The following RBM19 variants were observed in gnomAD, a reference collection of about 807,000 sequenced individuals.
RBM19 encodes RNA binding motif protein 19.
In RBM19, 94 loss-of-function variants were observed where a neutral mutation model predicts 116.8. The ratio of observed to expected loss-of-function variants is 0.80; its 90% CI spans 0.68 to 0.95. The LOEUF (loss-of-function observed/expected upper bound fraction) is 0.95. Ranked by LOEUF, RBM19 falls within the 40% of genes least tolerant of loss-of-function variation. The pLI is 0.00. For missense variants in RBM19, 1,161 were observed against 1,220.7 expected (o/e 0.95, Z 0.73); for synonymous variants, 475 against 494.1 (o/e 0.96, Z 0.51).
At chr12:113,818,367 G>A (rs1023738656), downstream of RBM19, among the ~76,000 whole-genome samples, 3 of 152,216 alleles carry the variant, frequency 2.0e-5, no homozygotes, top group African/African-American at 7.2e-5. Context: ...GGAAGAGCCA[G>A]GTGCTGGTTT....
Position 113,927,144 on chromosome 12 carries a change from C to T in RBM19, c.2154G>A (p.Glu718=), listed in dbSNP as rs1275684039. The T allele has an allele frequency of 6.2e-7, 1 of 1,608,832 alleles. No individual in the cohort carries two copies. The highest frequency in any genetic ancestry group is 1.7e-5 in the Admixed American group (1 of 59,402). The change falls in exon 17 of 24, where the codon GAG becomes GAA. Residue 718 remains glutamate (E), a synonymous_variant. Transcript: ENST00000261741. ...GGCTCTCTTCTTCTTCTTCCTCTTC[C>T]TCCTCCTCCTCTTCCATCTTTGCTG... ...NSSAKMEEEE[E]EEEEEEESLP...
chr12:113,851,546 C>T (rs1195384196), intron 22 of RBM19, among the ~76,000 whole-genome samples: 3 of 152,154 alleles, frequency 2.0e-5, no homozygotes, highest in Admixed American at 6.5e-5. Flanking sequence ...CAGGCACAGG[C>T]CTGGGCCTGC....
Position 113,960,065 on chromosome 12 carries a change from A to C in RBM19, c.333T>G (p.Ile111Met), listed in dbSNP as rs747222015. ...QPPKDSTTPE[I>M]KKDEKKKKVA... ...AGAGTGACCCTTTACATACTTTCTT[A>C]ATTTCTGGAGTAGTAGAGTCTTTTG... Residue 111 changes from isoleucine (I) to methionine (M), a missense_variant, in exon 3 of 24, where the codon ATT (isoleucine) becomes ATG (methionine). Physicochemically the swap from Ile to Met is conservative, Grantham distance 10. Transcript: ENST00000261741. 6.2e-7 allele frequency: 1 copy of C among 1,614,036 alleles called. No individual in the cohort carries two copies. The highest frequency in any genetic ancestry group is 1.1e-5 in the South Asian group (1 of 91,084).
At chr12:113,940,359 G>A (rs941633031) in intron 14 of RBM19, among the ~76,000 whole-genome samples, 199 bp from the exon 15 acceptor site, 2 of 151,990 alleles carry the variant, frequency 1.3e-5, no homozygotes, top group Non-Finnish European at 2.9e-5. Context: ...GCTCTGCAGA[G>A]GGGGTAAGGC....
intron 21 of RBM19, among the ~76,000 whole-genome samples, chr12:113,869,562 C>A (rs1277926755): frequency 6.6e-6 from 1 of 152,182 alleles, no homozygotes; most frequent in Non-Finnish European, 1.5e-5. Flanking sequence ...TACAGCTAAT[C>A]CCATTACAAG....
chr12:113,903,988 C>T lies in RBM19; in HGVS notation c.2558+10981G>A, dbSNP rs1881878847. On this transcript the variant is annotated intron_variant, in intron 21 of 23. Coordinates refer to ENST00000261741, the MANE Select transcript of RBM19 (RefSeq NM_016196.4). The surrounding 1 kb of genome is among the most constrained non-coding windows in gnomAD (Gnocchi z 5.1). ...TGGTTAATGTGAACCCTGGAGTCCA[C>T]TAAGAACTCAAGATCTTTTTTTTGA... 6.6e-6 allele frequency among the ~76,000 whole-genome samples: 1 copy of T among 152,188 alleles called. No individual in the cohort carries two copies. Among genetic ancestry groups the T allele is most frequent in the East Asian group, 1.9e-4 (1 of 5,202 alleles).
chr12:113,940,164 C>CA lies in RBM19; in HGVS notation c.1738-5dup. 6.2e-7 allele frequency: 1 copy of CA among 1,611,332 alleles called. No individual in the cohort carries two copies. Among genetic ancestry groups the CA allele is most frequent in the Non-Finnish European group, 8.5e-7 (1 of 1,178,214 alleles). On this transcript the variant is annotated splice_polypyrimidine_tract_variant and splice_region_variant and intron_variant, in intron 14 of 23. Transcript: ENST00000261741. ...TCTTGCTTCGCTCTGCTGCAGCCTG[C>CA]AAAGAGGAAATGCACACACATGGGA...
intron 21 of RBM19, among the ~76,000 whole-genome samples, chr12:113,889,671 AAC>A (rs1491196836): frequency 0.43 from 53,848 of 124,348 alleles, 11,327 homozygotes; most frequent in African/African-American, 0.65. Flanking sequence ...ACAAACAAAC[AAC>A]AAAAAAAAAA....
At chr12:113,835,507 C>A (rs1028120452) in intron 23 of RBM19, among the ~76,000 whole-genome samples, 2 of 152,292 alleles carry the variant, frequency 1.3e-5, no homozygotes, top group East Asian at 3.9e-4. Context: ...AAAGCTGCAT[C>A]TTTGACACTC....
chr12:113,823,316 G>A lies in RBM19; in HGVS notation c.2791C>T (p.Pro931Ser), dbSNP rs1330579228. Residue 931 changes from proline to serine, a missense_variant, in exon 24 of 24, where the codon CCG becomes TCG. Physicochemically the swap from Pro to Ser is moderately conservative, Grantham distance 74. Transcript: ENST00000261741. The stretch of plus-strand genomic sequence containing the variant: ...AACACCACAGACCGCTTTTTCTTCG[G>A]GGGCTCTGTGGGAGCCCAGATGGCA... ...RKTAAHFHEP[P>S]KKKRSVVLDE... is the part of the protein sequence containing the mutation. The A allele has an allele frequency of 6.2e-7, 1 of 1,612,748 alleles. No individual in the cohort carries two copies. The highest frequency in any genetic ancestry group is 1.7e-5 in the Admixed American group (1 of 60,026).
downstream of RBM19, among the ~76,000 whole-genome samples, chr12:113,820,554 T>G (rs1183814476): frequency 1.3e-5 from 2 of 151,876 alleles, no homozygotes; most frequent in Non-Finnish European, 2.9e-5. Context: ...CCTAGAGGGT[T>G]TGAAGCTGCA....
At chr12:113,892,726 G>C (rs1881043752) in intron 21 of RBM19, among the ~76,000 whole-genome samples, 1 of 152,138 alleles carries the variant, frequency 6.6e-6, no homozygotes, top group South Asian at 2.1e-4. Context: ...AAAGTGAAAT[G>C]GGTCTTGAGT....
At chr12:113,829,066 C>T (rs750521148) in intron 23 of RBM19, among the ~76,000 whole-genome samples, 14 of 151,798 alleles carry the variant, frequency 9.2e-5, no homozygotes, top group African/African-American at 1.7e-4. Context: ...GGAGCGATCT[C>T]GGCTCACTGC....
At chr12:113,847,751 T>G (rs1240464455) in intron 22 of RBM19, among the ~76,000 whole-genome samples, 1 of 152,220 alleles carries the variant, frequency 6.6e-6, no homozygotes, top group African/African-American at 2.4e-5. Context: ...CACTGTCAGA[T>G]TTCAATGTTT....
intron 21 of RBM19, among the ~76,000 whole-genome samples, chr12:113,913,278 G>A (rs1882563221): frequency 6.6e-6 from 1 of 152,122 alleles, no homozygotes. Flanking sequence ...CTTTTAAAAA[G>A]CAGAGCATGT....
chr12:113,937,379 T>C (rs558371808), intron 15 of RBM19: 3 of 349,290 alleles, frequency 8.6e-6, no homozygotes, highest in South Asian at 7.5e-5. Context: ...CCACCAGACA[T>C]ATGGCAGCTC....
At chr12:113,878,569 C>T (rs532208893) in intron 21 of RBM19, among the ~76,000 whole-genome samples, 6 of 151,964 alleles carry the variant, frequency 3.9e-5, no homozygotes, top group African/African-American at 1.4e-4. Context: ...AGCCACCTTA[C>T]CACCCTGCCC....
chr12:113,859,280 A>T (rs1281296584), intron 21 of RBM19, among the ~76,000 whole-genome samples: 1 of 152,222 alleles, frequency 6.6e-6, no homozygotes, highest in Non-Finnish European at 1.5e-5. Context: ...GGGGCTGCCC[A>T]TGTGTGCTAG....
chr12:113,839,502 C>A (rs59462296), intron 23 of RBM19, among the ~76,000 whole-genome samples: 1 of 152,216 alleles, frequency 6.6e-6, no homozygotes, highest in Non-Finnish European at 1.5e-5. Flanking sequence ...ACCTGACTAT[C>A]GTTTCAAGTT....
Sources: gnomAD v4.1 joint callset for allele counts (sites outside exome capture counted in the v4.1 genomes callset) on GRCh38, gnomAD v4.1.1 for gene constraint, Gnocchi (gnomAD v3.1) non-coding constraint, MANE v1.5 for transcripts, NCBI Gene and HGNC (gene_info 2026-07-23, HGNC 2026-07-21) for gene names.